The following FBXO27 variants were observed in gnomAD, a reference collection of about 807,000 sequenced individuals.
FBXO27 encodes the protein F-box protein 27.
Under a neutral mutation model 28.3 loss-of-function variants are expected in FBXO27, and 28 were observed. That is an observed-to-expected ratio of 0.99 (90% CI 0.73 to 1.36). FBXO27 has a LOEUF of 1.36. Ranked by LOEUF, FBXO27 falls within the 40% of genes most tolerant of loss-of-function variation. The pLI, the probability that FBXO27 is intolerant of heterozygous loss-of-function variation, is 0.00. For synonymous variants in FBXO27, 175 were observed against 167.3 expected (o/e 1.05, Z -0.36); for missense variants, 388 against 394.1 (o/e 0.98, Z 0.13).
chr19:39,031,794 C>T, intron 2 of FBXO27, 70 bp downstream of exon 2: 5 of 1,403,878 alleles, frequency 3.6e-6, no homozygotes, highest in Non-Finnish European at 4.6e-6. Context: ...CAGTGCGGCC[C>T]CGCCCCTCCG....
chr19:39,032,035 C>G lies in FBXO27; in HGVS notation c.193G>C (p.Ala65Pro). ...RGWRALVDGQ[A>P]LWLLILARDH... ...CGGGCCAGGATCAGCAGCCACAGGG[C>G]CTGGCCGTCCACCAGGGCTCGCCAG... Residue 65 changes from alanine (A) to proline (P), a missense_variant, in exon 2 of 6, where the codon GCC becomes CCC. Coordinates refer to ENST00000292853, the MANE Select transcript of FBXO27 (RefSeq NM_178820.5). The surrounding 1 kb of genome is among the most constrained non-coding windows in gnomAD (Gnocchi z 4.7). The G allele has an allele frequency of 6.5e-7, 1 of 1,530,030 alleles. No homozygotes were observed. Among genetic ancestry groups the G allele is most frequent in the Non-Finnish European group, 8.7e-7 (1 of 1,144,154 alleles). 94.8% of individuals were successfully genotyped at this position (1,530,030 alleles called of 1,614,324 possible). A position where few individuals can be genotyped will look rare whatever the true frequency, so the allele number is the denominator to read the frequency against.
intron 1 of FBXO27, among the ~76,000 whole-genome samples, chr19:39,016,213 T>A (rs1298017443): frequency 6.6e-6 from 1 of 152,162 alleles, no homozygotes; most frequent in Non-Finnish European, 1.5e-5. Flanking sequence ...ATACATGTCG[T>A]TACACATTTG....
Position 39,031,871 on chromosome 19 carries a change from G to T in FBXO27, c.357C>A (p.Cys119Ter). ...PIGRNLIRNP[C>*]GQEGLRKWMV... ...CCTCTTCCGAGATCCCACCTTGGCC[G>T]CAGGGGTTGCGAATAAGGTTGCGTC... Residue 119 changes from cysteine (C) to a stop codon, truncating the protein, a stop_gained, in exon 2 of 6, where the codon TGC (cysteine) becomes TGA (stop). Transcript: ENST00000292853. LOFTEE classifies it high-confidence loss of function. 6.8e-7 allele frequency: 1 copy of T among 1,480,876 alleles called. No individual in the cohort carries two copies. The highest frequency in any genetic ancestry group is 1.4e-5 in the South Asian group (1 of 72,966). The allele number at this position is 1,480,876 out of a possible 1,614,324, so 91.7% of individuals were successfully genotyped here.
chr19:39,015,487 T>C (rs1478594560), intron 1 of FBXO27, among the ~76,000 whole-genome samples: 4 of 147,902 alleles, frequency 2.7e-5, no homozygotes, highest in African/African-American at 1.0e-4. Context: ...ATTAGCCAGG[T>C]GTGGTGGCAT....
chr19:39,014,163 C>T (rs556750492), intron 2 of FBXO27, among the ~76,000 whole-genome samples: 3 of 152,294 alleles, frequency 2.0e-5, no homozygotes, highest in African/African-American at 7.2e-5. Context: ...GGAGTGTGCG[C>T]CCGTTTTTAA....
downstream of FBXO27, among the ~76,000 whole-genome samples, chr19:39,019,248 C>T (rs544365625): frequency 1.3e-5 from 2 of 148,598 alleles, no homozygotes; most frequent in African/African-American, 5.0e-5. Flanking sequence ...ATGGTGAAAC[C>T]CCGTCTCTAC....
chr19:39,009,065 G>A (rs2072782961), intron 2 of FBXO27, among the ~76,000 whole-genome samples: 1 of 152,168 alleles, frequency 6.6e-6, no homozygotes. Context: ...CAAGTGATCT[G>A]CCCGCCTTGG....
chr19:39,016,782 C>CAA (rs202094668), intron 1 of FBXO27, among the ~76,000 whole-genome samples: 5 of 138,902 alleles, frequency 3.6e-5, no homozygotes, highest in Admixed American at 2.2e-4. Context: ...GAGAACGTCT[C>CAA]AAAAAAAAAA....
At chr19:39,031,660 A>G (rs1258257523) in intron 2 of FBXO27, among the ~76,000 whole-genome samples, 1 of 135,146 alleles carries the variant, frequency 7.4e-6, no homozygotes, top group East Asian at 2.2e-4. Context: ...GACACCTCCC[A>G]CCGGCTCCCA....
At chr19:39,016,603 A>AC (rs919837541) in intron 1 of FBXO27, among the ~76,000 whole-genome samples, 4 of 150,772 alleles carry the variant, frequency 2.7e-5, no homozygotes, top group African/African-American at 4.9e-5. Context: ...AAAAAAAAAA[A>AC]AAAAAAACCC....
downstream of FBXO27, among the ~76,000 whole-genome samples, chr19:39,022,296 C>T (rs998447305): frequency 4.6e-5 from 7 of 151,496 alleles, no homozygotes; most frequent in Non-Finnish European, 8.8e-5. Context: ...TCCCCCACCA[C>T]ACCCAGCTAA....
intron 2 of FBXO27, among the ~76,000 whole-genome samples, chr19:39,006,665 T>C (rs915677846): frequency 6.6e-6 from 1 of 152,092 alleles, no homozygotes; most frequent in Non-Finnish European, 1.5e-5. Context: ...AATTGTTTTA[T>C]GTGGTTCAAG....
rs1290500823 is a variant in FBXO27, at chr19:39,025,455, G to A, written c.808C>T (p.Arg270Cys). Residue 270 changes from arginine (R) to cysteine (C), a missense_variant, in exon 6 of 6, where the codon CGT (arginine) becomes TGT (cysteine). Coordinates refer to ENST00000292853, the MANE Select transcript of FBXO27 (RefSeq NM_178820.5). ...TQFWAGHYGA[R>C]VTNSSVIVRV... ...ACGATCACACTGGAGTTGGTCACACGGGCTCCATAGTGGCCAGCCCAGAAC... is the reference window on the plus strand; with the variant it reads ...ACGATCACACTGGAGTTGGTCACACAGGCTCCATAGTGGCCAGCCCAGAAC... 90 of 1,613,994 alleles carry A rather than the reference G, an allele frequency of 5.6e-5. No homozygotes were observed. The highest frequency in any genetic ancestry group is 7.3e-5 in the Non-Finnish European group (86 of 1,180,028).
intron 2 of FBXO27, among the ~76,000 whole-genome samples, chr19:39,007,586 T>C (rs1472147686): frequency 6.6e-6 from 1 of 152,108 alleles, no homozygotes; most frequent in Non-Finnish European, 1.5e-5. Flanking sequence ...CACCCCCAAC[T>C]CTGCATCTCC....
At chr19:39,028,900 A>AATTAGCCAGT (rs1048975422) in intron 4 of FBXO27, among the ~76,000 whole-genome samples, 7 of 151,584 alleles carry the variant, frequency 4.6e-5, no homozygotes, top group African/African-American at 1.7e-4. Flanking sequence ...AGGCATGTAA[A>AATTAGCCAGT]ATTAGCCAGT....
intron 2 of FBXO27, among the ~76,000 whole-genome samples, chr19:39,011,440 A>T (rs1011121314): frequency 2.6e-5 from 4 of 151,802 alleles, no homozygotes; most frequent in Non-Finnish European, 5.9e-5. Flanking sequence ...TCTCAAAACA[A>T]TTTTTTTTTG....
At position 39,032,409 on chromosome 19, in the gene FBXO27, T is replaced by G; in HGVS notation, c.-27+94A>C. The G allele has an allele frequency of 2.3e-6, 2 of 858,820 alleles. No individual in the cohort carries two copies. Among genetic ancestry groups the G allele is most frequent in the Non-Finnish European group, 3.3e-6 (2 of 612,274 alleles). The allele number at this position is 858,820 out of a possible 1,614,324, so 53.2% of individuals were successfully genotyped here. ...CCCAGCCCGTCCTTGATAGCCCCGA[T>G]ATCCCGGAGACCCCGCGGTCTGTGT... On this transcript the variant is annotated intron_variant, in intron 1 of 5. Coordinates refer to ENST00000292853, the MANE Select transcript of FBXO27 (RefSeq NM_178820.5). This position sits in a 1 kb window ranked among gnomAD's most constrained non-coding sequence, Gnocchi z 4.7.
At chr19:39,023,687 C>T (rs2072856658), downstream of FBXO27, among the ~76,000 whole-genome samples, 1 of 151,918 alleles carries the variant, frequency 6.6e-6, no homozygotes, top group Admixed American at 6.6e-5. Context: ...GATCCTGGCT[C>T]ACTGCAACCT....
At chr19:39,006,964 T>C (rs1975738422) in intron 2 of FBXO27, among the ~76,000 whole-genome samples, 1 of 141,618 alleles carries the variant, frequency 7.1e-6, no homozygotes, top group Non-Finnish European at 1.5e-5. Flanking sequence ...TCACAGCTCC[T>C]TGGGAGGCTG....
Sources: gnomAD v4.1 joint callset for allele counts (sites outside exome capture counted in the v4.1 genomes callset) on GRCh38, gnomAD v4.1.1 for gene constraint, Gnocchi (gnomAD v3.1) non-coding constraint, MANE v1.5 for transcripts, NCBI Gene and HGNC (gene_info 2026-07-23, HGNC 2026-07-21) for gene names.